GRIK1: variants seen among roughly 807,000 people sequenced by gnomAD.
GRIK1 encodes the protein glutamate ionotropic receptor kainate type subunit 1.
GRIK1 carries 69 observed loss-of-function variants against 105.7 expected under a neutral mutation model. The observed-to-expected ratio is 0.65, with a 90% confidence interval of 0.54 to 0.80. GRIK1 has a LOEUF of 0.80. Among genes scored for constraint, GRIK1 ranks in the 30% least tolerant of loss-of-function variants. GRIK1 has a pLI of 0.00. For synonymous variants in GRIK1, 438 were observed against 431.3 expected, an observed-to-expected ratio of 1.02 and a Z score of -0.19; for missense variants, 1,109 against 1,167.3, an observed-to-expected ratio of 0.95 and a Z score of 0.73.
At chr21:29,573,478 A>G (rs2090805458) in intron 14 of GRIK1, among the ~76,000 whole-genome samples, 2 of 150,220 alleles carry the variant, frequency 1.3e-5, no homozygotes, top group South Asian at 4.3e-4. Flanking sequence ...AGTGGCTCAC[A>G]CCTGTAATTC....
At chr21:29,904,433 CTG>C (rs2070531026) in intron 1 of GRIK1, among the ~76,000 whole-genome samples, 1 of 151,906 alleles carries the variant, frequency 6.6e-6, no homozygotes, top group Non-Finnish European at 1.5e-5. Context: ...AGAGCAGGGA[CTG>C]AGTCTTGCTC....
intron 7 of GRIK1, among the ~76,000 whole-genome samples, chr21:29,630,286 C>A (rs920767128): frequency 6.6e-6 from 1 of 152,116 alleles, no homozygotes; most frequent in Non-Finnish European, 1.5e-5. Context: ...CTGAGATGAA[C>A]CTCTGTGACC....
chr21:29,683,636 A>G (rs1426008819), intron 3 of GRIK1, among the ~76,000 whole-genome samples: 5 of 152,210 alleles, frequency 3.3e-5, no homozygotes, highest in Non-Finnish European at 7.3e-5. Flanking sequence ...GAGGGAGGCA[A>G]GGGCTGAAAA....
At chr21:29,611,923 G>A (rs1294256281) in intron 7 of GRIK1, among the ~76,000 whole-genome samples, 1 of 152,170 alleles carries the variant, frequency 6.6e-6, no homozygotes, top group Non-Finnish European at 1.5e-5. Context: ...TTGCCCAAGT[G>A]GATCCCTCTT....
intron 1 of GRIK1, among the ~76,000 whole-genome samples, chr21:29,907,096 C>T (rs1240554592): frequency 2.0e-5 from 3 of 150,488 alleles, no homozygotes; most frequent in Non-Finnish European, 3.0e-5. Flanking sequence ...CAATTCACTT[C>T]CTCTAAATTT....
intron 1 of GRIK1, among the ~76,000 whole-genome samples, chr21:29,709,966 T>C (rs1462617343): frequency 6.6e-6 from 1 of 152,012 alleles, no homozygotes; most frequent in African/African-American, 2.4e-5. Flanking sequence ...TCTTATTTTG[T>C]TCTTAATTTA....
intron 1 of GRIK1, among the ~76,000 whole-genome samples, chr21:29,823,966 G>C (rs911752284): frequency 6.6e-6 from 1 of 151,892 alleles, no homozygotes; most frequent in Admixed American, 6.6e-5. Context: ...AGAAGACAAA[G>C]AACAAGGAGT....
intron 1 of GRIK1, among the ~76,000 whole-genome samples, chr21:29,846,359 G>C (rs1264986693): frequency 6.7e-6 from 1 of 148,656 alleles, no homozygotes; most frequent in East Asian, 2.0e-4. Context: ...TTACACTCCA[G>C]CTTGGGCAAC....
At chr21:29,556,076 A>C (rs994780149) in intron 15 of GRIK1, among the ~76,000 whole-genome samples, 13 of 152,214 alleles carry the variant, frequency 8.5e-5, no homozygotes, top group Admixed American at 8.5e-4. Context: ...GTTGGATTAA[A>C]GAGAGTGTAC....
intron 7 of GRIK1, among the ~76,000 whole-genome samples, chr21:29,603,917 G>C (rs1197260533): frequency 1.3e-5 from 2 of 152,100 alleles, no homozygotes; most frequent in African/African-American, 4.8e-5. Flanking sequence ...AATTCTATAG[G>C]ATTTTCAGAA....
At chr21:29,637,921 C>A (rs1044745511) in intron 7 of GRIK1, among the ~76,000 whole-genome samples, 2 of 152,152 alleles carry the variant, frequency 1.3e-5, no homozygotes, top group Non-Finnish European at 2.9e-5. Flanking sequence ...ATGCTGCATG[C>A]CTGTCTCCAT....
chr21:29,675,820 C>T (rs1038239641), intron 3 of GRIK1, among the ~76,000 whole-genome samples: 1 of 152,098 alleles, frequency 6.6e-6, no homozygotes, highest in African/African-American at 2.4e-5. Context: ...GTGGCAGAAC[C>T]CGGGATTAAG....
At chr21:29,814,178 T>C (rs1438834821) in intron 1 of GRIK1, among the ~76,000 whole-genome samples, 2 of 151,304 alleles carry the variant, frequency 1.3e-5, no homozygotes, top group Non-Finnish European at 2.9e-5. Flanking sequence ...CTCAAACTCC[T>C]GACCTCAGAT....
Position 29,560,282 on chromosome 21 carries a change from TCTTTCTTTC to T in GRIK1, c.2356+1333_2356+1341del, listed in dbSNP as rs1476712729. On this transcript the variant is annotated intron_variant, in intron 15 of 17. Coordinates refer to ENST00000327783, the MANE Select transcript of GRIK1 (RefSeq NM_001330994.2). ...ACCAGGACCTTATATGATACAGTTTTCTTTCTTTCTTTCTTTCTTTCTTTCTTTCTTTCT... is the reference window on the plus strand; with the variant it reads ...ACCAGGACCTTATATGATACAGTTTTTTTCTTTCTTTCTTTCTTTCTTTCT... Among the ~76,000 whole-genome samples, 176 of 41,884 alleles carry T rather than the reference TCTTTCTTTC, an allele frequency of 4.2e-3. 2 individuals carry two copies. The highest frequency in any genetic ancestry group is 0.015 in the African/African-American group (167 of 11,286). The allele number at this position is 41,884 out of a possible 152,430, so 27.5% of individuals were successfully genotyped here.
chr21:29,596,331 C>A, intron 9 of GRIK1, 195 bp downstream of exon 9: 2 of 705,374 alleles, frequency 2.8e-6, no homozygotes, highest in South Asian at 2.9e-5. Flanking sequence ...CCACTGCAAA[C>A]CTGTTTTCAA....
intron 1 of GRIK1, among the ~76,000 whole-genome samples, chr21:29,734,566 AT>A (rs201083084): frequency 1.3e-5 from 2 of 151,568 alleles, no homozygotes; most frequent in Admixed American, 6.6e-5. Flanking sequence ...TGCCTGGCTA[AT>A]TTTTTTGTTT....
At chr21:29,562,774 T>C (rs180803263) in intron 14 of GRIK1, among the ~76,000 whole-genome samples, 8 of 152,322 alleles carry the variant, frequency 5.3e-5, no homozygotes, top group African/African-American at 1.9e-4. Context: ...AAGTGTTCTA[T>C]TAATATATTT....
chr21:29,562,538 C>T (rs1020541426), intron 14 of GRIK1, among the ~76,000 whole-genome samples: 1 of 151,938 alleles, frequency 6.6e-6, no homozygotes, highest in Admixed American at 6.6e-5. Context: ...GCCTGTAATC[C>T]CAGCTACTCA....
chr21:29,601,005 T>C (rs78967397), intron 7 of GRIK1, among the ~76,000 whole-genome samples: 7,378 of 152,318 alleles, frequency 0.048, 266 homozygotes, highest in Non-Finnish European at 0.073. Context: ...ATGGTTAATT[T>C]TGTGTGTCAA....
Sources: allele counts gnomAD v4.1 joint callset (sites outside exome capture counted in the v4.1 genomes callset), GRCh38; gene constraint gnomAD v4.1.1; transcripts MANE v1.5; gene names NCBI Gene and HGNC (gene_info 2026-07-23, HGNC 2026-07-21).